BCOR: variants seen among roughly 807,000 people sequenced by gnomAD.
The protein encoded by BCOR is BCL6 corepressor, also known as BCL-6 corepressor.
In BCOR, 10 loss-of-function variants were observed where a neutral mutation model predicts 86.7. The observed-to-expected ratio is 0.12, with a 90% confidence interval of 0.07 to 0.20. The LOEUF is 0.20. BCOR is among the 10% of genes least tolerant of loss of function. BCOR has a pLI of 1.00. For missense variants in BCOR, 1,259 were observed against 1,452.1 expected (o/e 0.87, Z 2.16); for synonymous variants, 611 against 609.0 (o/e 1.00, Z -0.05).
At chrX:40,152,019 G>A (rs754744875) in intron 1 of BCOR, among the ~76,000 whole-genome samples, 2 of 111,943 alleles carry the variant, frequency 1.8e-5, no homozygotes, top group South Asian at 7.5e-4. Context: ...CTGCGCCGAC[G>A]AGAAGGCCTG....
chrX:40,154,718 C>T (rs1052658177), intron 1 of BCOR, among the ~76,000 whole-genome samples: 3 of 112,182 alleles, frequency 2.7e-5, no homozygotes, highest in African/African-American at 9.7e-5. Flanking sequence ...AGAGGAAGGG[C>T]AGTGCAGGGA....
chrX:40,093,125 G>T (rs1259700645), intron 1 of BCOR, among the ~76,000 whole-genome samples: 3 of 112,144 alleles, frequency 2.7e-5, no homozygotes, highest in Non-Finnish European at 5.6e-5. Context: ...TCAGAATATC[G>T]CTATACATCT....
chrX:40,139,986 C>CA (rs1937883180), intron 1 of BCOR, among the ~76,000 whole-genome samples: 1 of 109,997 alleles, frequency 9.1e-6, no homozygotes, highest in African/African-American at 3.3e-5. Flanking sequence ...TTACCCATAA[C>CA]ATCTGCCATG....
chrX:40,123,360 C>CT (rs35144455), intron 1 of BCOR, among the ~76,000 whole-genome samples: 25,003 of 102,203 alleles, frequency 0.24, 4,109 homozygotes, highest in African/African-American at 0.56. Context: ...CTTAAGCACA[C>CT]TTTTTTTTTT....
At position 40,166,654 on chromosome X, in the gene BCOR, G is replaced by A. The variant is rs765651411; in HGVS notation, c.-41+10353C>T. On this transcript the variant is annotated intron_variant, in intron 1 of 14. Transcript: ENST00000342274. ...GGAAAGTGGGCACAGGGGCCCCAAC[G>A]CTGAGCAGGCTGGTAGGCCCTCAAA... Among the ~76,000 whole-genome samples, 6 of 112,597 alleles carry A rather than the reference G, an allele frequency of 5.3e-5. No homozygotes were observed. The South Asian group carries it at 2.2e-3, about 41-fold the overall frequency.
intron 1 of BCOR, among the ~76,000 whole-genome samples, chrX:40,128,404 G>A (rs1224813472): frequency 5.4e-5 from 6 of 110,992 alleles, no homozygotes; most frequent in Non-Finnish European, 9.4e-5. Context: ...AAATTAGCTC[G>A]GCTTGGTGGC....
intron 1 of BCOR, among the ~76,000 whole-genome samples, chrX:40,079,946 G>C (rs1936000616): frequency 9.2e-6 from 1 of 108,310 alleles, no homozygotes; most frequent in African/African-American, 3.5e-5. Context: ...CCCGGTGCCA[G>C]TGTGTCCCGG....
chrX:40,053,812 C>T, intron 14 of BCOR, 74 bp downstream of exon 14: 1 of 1,150,891 alleles, frequency 8.7e-7, no homozygotes, highest in Non-Finnish European at 1.2e-6. Flanking sequence ...CTCATCTGCT[C>T]AAAGCGCATT....
chrX:40,074,792 C>T lies in BCOR; in HGVS notation c.554G>A (p.Ser185Asn), dbSNP rs1935706982. The T allele has an allele frequency of 8.3e-7, 1 of 1,212,081 alleles. No individual in the cohort carries two copies. The highest frequency in any genetic ancestry group is 2.2e-5 in the Admixed American group (1 of 46,094). Reference sequence around the variant, plus strand: ...ATTGACCCAGGGCAGCCGCAGATAACTAGCACCATTGATGTTGAGAGGGCT... The same window carrying T: ...ATTGACCCAGGGCAGCCGCAGATAATTAGCACCATTGATGTTGAGAGGGCT... Reference protein sequence around the residue: ...KQSPLNINGASYLRLPWVNPY... With the variant: ...KQSPLNINGANYLRLPWVNPY... The change falls in exon 4 of 15, where the codon AGT becomes AAT. Residue 185 changes from serine (S) to asparagine (N), a missense_variant. Ser to Asn is a conservative substitution (Grantham distance 46). This residue lies in a region of BCOR where 174 missense variants were observed against 189.3 expected (regional missense o/e 0.92). Coordinates refer to ENST00000378444, the MANE Select transcript of BCOR (RefSeq NM_001123385.2).
At position 40,065,543 on chromosome X, in the gene BCOR, G is replaced by A. The variant is rs756334664; in HGVS notation, c.3239-944C>T. Among the ~76,000 whole-genome samples, 6 of 112,352 alleles carry A rather than the reference G, an allele frequency of 5.3e-5. No individual in the cohort carries two copies. The South Asian group carries it at 1.1e-3, about 21-fold the overall frequency. On this transcript the variant is annotated intron_variant, in intron 6 of 14. Coordinates refer to ENST00000378444, the MANE Select transcript of BCOR (RefSeq NM_001123385.2). ...CGCTCGTTCCAGGAACCCTGTGCTC[G>A]GCCTATCACGGGCCTTGGGGCTTTT... is the stretch of plus-strand genomic sequence containing the variant.
chrX:40,144,128 T>C (rs1250510869), intron 1 of BCOR, among the ~76,000 whole-genome samples: 1 of 101,082 alleles, frequency 9.9e-6, no homozygotes, highest in Non-Finnish European at 2.0e-5. Context: ...CAGTATCAGG[T>C]GGCAGTATCA....
chrX:40,095,834 T>C (rs1041671948), intron 1 of BCOR, among the ~76,000 whole-genome samples: 26 of 102,957 alleles, frequency 2.5e-4, no homozygotes, highest in Non-Finnish European at 4.5e-4. Flanking sequence ...TGGAAAAGAT[T>C]CATTAACAGC....
intron 1 of BCOR, among the ~76,000 whole-genome samples, chrX:40,159,747 CA>C (rs1043561792): frequency 1.8e-5 from 2 of 111,908 alleles, no homozygotes; most frequent in African/African-American, 6.5e-5. Context: ...AAACACAAAG[CA>C]AAAAAAGATC....
At chrX:40,089,220 G>C (rs1435508833) in intron 1 of BCOR, among the ~76,000 whole-genome samples, 1 of 111,419 alleles carries the variant, frequency 9.0e-6, no homozygotes, top group Non-Finnish European at 1.9e-5. Flanking sequence ...ATTCTATTTA[G>C]ATCCTAAAGG....
rs772454774 is a variant in BCOR, at chrX:40,074,265, A to G, written c.1081T>C (p.Tyr361His). Residue 361 changes from tyrosine to histidine, a missense_variant, in exon 4 of 15, where the codon TAT (tyrosine) becomes CAT (histidine). By Grantham distance (83) the Tyr-to-His change is moderately conservative. Transcript: ENST00000378444. ...GAAGGAGAGGTGGAGATCCTGGCAT[A>G]GTGCTTGTGGAACTCCGAGTAGGTG... Reference protein sequence around the residue: ...ADTYSEFHKHYARISTSPSVA... With the variant: ...ADTYSEFHKHHARISTSPSVA... 1 of 1,211,931 alleles carries G rather than the reference A, an allele frequency of 8.3e-7. No individual in the cohort carries two copies. The highest frequency in any genetic ancestry group is 2.2e-5 in the Admixed American group (1 of 46,075).
intron 1 of BCOR, among the ~76,000 whole-genome samples, chrX:40,142,108 G>A (rs1360133120): frequency 8.9e-6 from 1 of 112,487 alleles, no homozygotes; most frequent in Non-Finnish European, 1.9e-5. Flanking sequence ...TGCCAGCATA[G>A]TGCTTTGCAC....
At chrX:40,109,944 C>G (rs971219541) in intron 1 of BCOR, among the ~76,000 whole-genome samples, 1 of 112,349 alleles carries the variant, frequency 8.9e-6, no homozygotes, top group Non-Finnish European at 1.9e-5. Context: ...CGCGGCCCCC[C>G]GGGCCTCATG....
intron 1 of BCOR, chrX:40,176,880 C>T (rs1029255600): frequency 4.5e-5 from 5 of 111,578 alleles, no homozygotes; most frequent in African/African-American, 1.6e-4. Context: ...GCTGCCTGTT[C>T]CGGGGCACAA....
chrX:40,131,418 A>G lies in BCOR; in HGVS notation c.-41+45589T>C, dbSNP rs184008460. On this transcript the variant is annotated intron_variant, in intron 1 of 14. Coordinates refer to the BCOR transcript ENST00000342274. ...ACGCCTGCAATCCCAGCACTTTGTA[A>G]GGCCGAGGCAGGCAGATCACCTGAG... 6.6e-4 allele frequency among the ~76,000 whole-genome samples: 74 copies of G among 112,543 alleles called. 1 individual carries two copies. Among genetic ancestry groups the G allele is most frequent in the Non-Finnish European group, 1.3e-3 (70 of 53,289 alleles).
Sources: gnomAD v4.1 joint callset for allele counts (sites outside exome capture counted in the v4.1 genomes callset) on GRCh38, gnomAD v4.1.1 for gene constraint, gnomAD v4.1.1 regional missense constraint, MANE v1.5 for transcripts, NCBI Gene and HGNC (gene_info 2026-07-23, HGNC 2026-07-21) for gene names.